ADGRL3: variants seen among roughly 807,000 people sequenced by gnomAD.
The protein encoded by ADGRL3 is calcium-independent alpha-latrotoxin receptor 3.
A neutral mutation model predicts 153.5 loss-of-function variants in ADGRL3; 62 were observed. The ratio of observed to expected loss-of-function variants is 0.40; its 90% confidence interval spans 0.33 to 0.50. The LOEUF is 0.50. Ranked by LOEUF, ADGRL3 falls within the 20% of genes least tolerant of loss-of-function variation. ADGRL3 has a pLI of 0.47. For missense variants in ADGRL3, 1,641 were observed against 1,859.4 expected, an observed-to-expected ratio of 0.88 and a Z score of 2.16; for synonymous variants, 710 against 672.5, an observed-to-expected ratio of 1.06 and a Z score of -0.86.
intron 8 of ADGRL3, among the ~76,000 whole-genome samples, chr4:61,740,869 A>C (rs1309851731): frequency 2.0e-5 from 3 of 152,202 alleles, no homozygotes; most frequent in Non-Finnish European, 4.4e-5. Context: ...GATTATGTAA[A>C]TATAACCATT....
intron 8 of ADGRL3, among the ~76,000 whole-genome samples, chr4:61,776,799 C>T (rs918384561): frequency 7.2e-5 from 11 of 151,976 alleles, no homozygotes; most frequent in African/African-American, 9.7e-5. Flanking sequence ...AAATCTTTTC[C>T]GTGAGAACTT....
At chr4:61,470,957 A>C (rs551640080) in intron 2 of ADGRL3, among the ~76,000 whole-genome samples, 5 of 151,972 alleles carry the variant, frequency 3.3e-5, no homozygotes, top group Non-Finnish European at 7.4e-5. Context: ...GAACACTGGA[A>C]ACATTGACAG....
At chr4:61,550,286 A>G (rs1477481987) in intron 4 of ADGRL3, among the ~76,000 whole-genome samples, 1 of 151,948 alleles carries the variant, frequency 6.6e-6, no homozygotes, top group Non-Finnish European at 1.5e-5. Flanking sequence ...ATTGTTTTTA[A>G]CTTCTTTTGT....
chr4:61,276,076 C>G (rs1283030275), intron 1 of ADGRL3, among the ~76,000 whole-genome samples: 1 of 152,026 alleles, frequency 6.6e-6, no homozygotes, highest in African/African-American at 2.4e-5. Flanking sequence ...AGAGTAAGTA[C>G]CTAGGTGCAA....
In ADGRL3 at chr4:62,070,214, A is replaced by G. The variant is rs1403281265; in HGVS notation, c.3938A>G (p.Asn1313Ser). Residue 1313 changes from asparagine to serine, a missense_variant, in exon 27 of 27, where the codon AAC becomes AGC. Asn to Ser is a conservative substitution (Grantham distance 46). This residue lies in a region of ADGRL3 where 517 missense variants were observed against 555.0 expected (regional missense o/e 0.93). Coordinates refer to ENST00000683033, the MANE Select transcript of ADGRL3 (RefSeq NM_001387552.1). ...ATTGCCAGCGGCGAATACCTGAGCA[A>G]CTGTGTGCAAATCATAGACCGTGGC... ...YSIASGEYLSNCVQIIDRGYN... is the reference protein window; with the variant it reads ...YSIASGEYLSSCVQIIDRGYN... The G allele has an allele frequency of 1.9e-6, 3 of 1,614,022 alleles. No homozygotes were observed. Among genetic ancestry groups the G allele is most frequent in the East Asian group, 2.2e-5 (1 of 44,808 alleles).
At chr4:61,643,070 C>T (rs1389265044) in intron 5 of ADGRL3, among the ~76,000 whole-genome samples, 1 of 152,160 alleles carries the variant, frequency 6.6e-6, no homozygotes, top group Non-Finnish European at 1.5e-5. Context: ...GGAGATCACT[C>T]ATGATTTGGC....
intron 9 of ADGRL3, among the ~76,000 whole-genome samples, chr4:61,828,102 T>A (rs955572264): frequency 2.0e-5 from 3 of 152,210 alleles, no homozygotes; most frequent in Non-Finnish European, 4.4e-5. Context: ...TATTTAGGTT[T>A]TAATAAGTGA....
At chr4:61,586,971 C>T (rs1049698661) in intron 4 of ADGRL3, among the ~76,000 whole-genome samples, 2 of 151,552 alleles carry the variant, frequency 1.3e-5, no homozygotes, top group Non-Finnish European at 2.9e-5. Flanking sequence ...AATAGAAAAT[C>T]GACAGTGCCT....
At chr4:61,894,380 G>T (rs911610082) in intron 10 of ADGRL3, among the ~76,000 whole-genome samples, 1 of 152,012 alleles carries the variant, frequency 6.6e-6, no homozygotes, top group African/African-American at 2.4e-5. Flanking sequence ...CTTTTTTCCA[G>T]CAAAATATTT....
At chr4:61,464,321 T>C (rs564268443) in intron 2 of ADGRL3, among the ~76,000 whole-genome samples, 1 of 152,266 alleles carries the variant, frequency 6.6e-6, no homozygotes, top group South Asian at 2.1e-4. Flanking sequence ...AATAAAGGGG[T>C]ATATAGGCAT....
At chr4:61,789,944 T>C (rs999575557) in intron 8 of ADGRL3, among the ~76,000 whole-genome samples, 1 of 152,244 alleles carries the variant, frequency 6.6e-6, no homozygotes, top group African/African-American at 2.4e-5. Context: ...TTTTCCTGTT[T>C]GAATCTCTTA....
intron 2 of ADGRL3, among the ~76,000 whole-genome samples, chr4:61,412,051 C>T (rs1159122426): frequency 6.6e-6 from 1 of 151,940 alleles, no homozygotes. Context: ...AAACTAGGTG[C>T]TATGGTTCTC....
intron 1 of ADGRL3, among the ~76,000 whole-genome samples, chr4:61,297,243 T>G (rs534584936): frequency 6.6e-6 from 1 of 152,278 alleles, no homozygotes; most frequent in East Asian, 1.9e-4. Flanking sequence ...TTAAAAACAT[T>G]ACTAAATAGA....
At chr4:61,341,866 A>T (rs527270052) in intron 1 of ADGRL3, among the ~76,000 whole-genome samples, 6 of 152,148 alleles carry the variant, frequency 3.9e-5, no homozygotes, top group Non-Finnish European at 7.4e-5. Context: ...ATACATTTGT[A>T]AAAGTGGGAT....
intron 8 of ADGRL3, among the ~76,000 whole-genome samples, chr4:61,746,218 T>G (rs766572000): frequency 1.3e-5 from 2 of 151,996 alleles, no homozygotes; most frequent in Non-Finnish European, 2.9e-5. Context: ...AAGTCCTGAG[T>G]GACCTACAAA....
At chr4:61,394,898 G>A (rs1001620559) in intron 2 of ADGRL3, among the ~76,000 whole-genome samples, 1 of 152,022 alleles carries the variant, frequency 6.6e-6, no homozygotes, top group Admixed American at 6.6e-5. Context: ...TAAAACTTGG[G>A]TATAATGTAT....
At chr4:61,996,454 G>C (rs1458892867) in intron 20 of ADGRL3, 97 bp downstream of exon 20, 10 of 819,578 alleles carry the variant, frequency 1.2e-5, no homozygotes, top group Non-Finnish European at 1.8e-5. Flanking sequence ...GGTTAATTTG[G>C]GGAAAGCATG....
intron 1 of ADGRL3, among the ~76,000 whole-genome samples, chr4:61,307,974 C>A: frequency 6.6e-6 from 1 of 152,140 alleles, no homozygotes; most frequent in East Asian, 1.9e-4. Context: ...CACAAAGCAG[C>A]GTTTCCAACT....
At chr4:61,998,135 C>G (rs751916169) in intron 20 of ADGRL3, 39 bp from the exon 21 acceptor site, 1 of 1,164,470 alleles carries the variant, frequency 8.6e-7, no homozygotes, top group Non-Finnish European at 1.2e-6. Flanking sequence ...TTTGTTCCTA[C>G]TCCAATTATG....
Sources: allele counts gnomAD v4.1 joint callset (sites outside exome capture counted in the v4.1 genomes callset), GRCh38; gene constraint gnomAD v4.1.1; regional missense constraint gnomAD v4.1.1; transcripts MANE v1.5; gene names NCBI Gene and HGNC (gene_info 2026-07-23, HGNC 2026-07-21).